Variants in CLN6 observed in about 807,000 individuals in gnomAD.
CLN6 encodes ceroid-lipofuscinosis neuronal protein 6.
In CLN6, 22 loss-of-function variants were observed where a neutral mutation model predicts 33.3. The observed-to-expected ratio is 0.66, with a 90% CI of 0.47 to 0.94. The LOEUF (loss-of-function observed/expected upper bound fraction) is 0.94. CLN6 is among the 40% of genes least tolerant of loss of function. The probability of loss-of-function intolerance (pLI) is 0.00; values close to 1 mark genes in which losing one functional copy is unlikely to be tolerated. For synonymous variants in CLN6, 201 were observed against 174.6 expected, an observed-to-expected ratio of 1.15 and a Z score of -1.19; for missense variants, 387 against 417.1, an observed-to-expected ratio of 0.93 and a Z score of 0.63.
intron 3 of CLN6, 114 bp downstream of exon 3, chr15:68,214,176 C>G (rs746505644): frequency 9.6e-6 from 8 of 831,298 alleles, no homozygotes; most frequent in South Asian, 1.5e-5. Flanking sequence ...GCCTTCACCC[C>G]CCAGCAGCAG....
rs919850756 is a variant in CLN6 at position 68,211,685 on chromosome 15, G to A, written c.476C>T (p.Pro159Leu). ...RENPIIKNLK[P>L]ETLIDSFELL... The stretch of plus-strand genomic sequence containing the variant: ...AGGAGGTGGCCTCACCAGCGTCTCC[G>A]GCTTGAGATTCTTGATGATGGGGTT... Residue 159 changes from proline (P) to leucine (L), a missense_variant, in exon 4 of 7, where the codon CCG becomes CTG. Coordinates refer to ENST00000249806, the MANE Select transcript of CLN6 (RefSeq NM_017882.3). The surrounding 1 kb of genome is among the most constrained non-coding windows in gnomAD (Gnocchi z 5.9). The A allele has an allele frequency of 9.3e-6, 15 of 1,613,640 alleles. No homozygotes were observed. The highest frequency in any genetic ancestry group is 1.3e-5 in the Non-Finnish European group (15 of 1,179,990).
Position 68,209,819 on chromosome 15 carries a change from C to A in CLN6, c.543-60G>T, listed in dbSNP as rs957768517. The A allele has an allele frequency of 2.5e-6, 4 of 1,606,176 alleles. No individual in the cohort carries two copies. In the African/African-American group the frequency reaches 5.4e-5, roughly 21 times the overall value. On this transcript the variant is annotated intron_variant, in intron 5 of 6. Transcript: ENST00000249806. The surrounding 1 kb of genome is among the most constrained non-coding windows in gnomAD (Gnocchi z 4.9). ...TCAGCGGCCCTCTTCCCCACAACCT[C>A]TGCAACCACTCCCATGGGGTCTCAT...
chr15:68,217,493 G>C (rs1241847655), intron 2 of CLN6, among the ~76,000 whole-genome samples: 1 of 152,200 alleles, frequency 6.6e-6, no homozygotes, highest in African/African-American at 2.4e-5. Flanking sequence ...GCTTCCCAAA[G>C]TGCTAGGATT....
At chr15:68,245,757 A>C (rs1480207741) in intron 1 of CLN6, among the ~76,000 whole-genome samples, 1 of 152,112 alleles carries the variant, frequency 6.6e-6, no homozygotes, top group Non-Finnish European at 1.5e-5. Flanking sequence ...ACAAGGCCCA[A>C]CTATATGCTG....
In CLN6 at chr15:68,208,099, C is replaced by CCCCA; in HGVS notation, c.*40_*41insTGGG. 6.7e-7 allele frequency: 1 copy of CCCCA among 1,485,006 alleles called. No homozygotes were observed. Among genetic ancestry groups the CCCCA allele is most frequent in the Non-Finnish European group, 9.2e-7 (1 of 1,084,812 alleles). The allele number at this position is 1,485,006 out of a possible 1,614,324, so 92.0% of individuals were successfully genotyped here. On this transcript the variant is annotated 3_prime_UTR_variant, in exon 7 of 7. Coordinates refer to ENST00000249806, the MANE Select transcript of CLN6 (RefSeq NM_017882.3). The surrounding 1 kb of genome is among the most constrained non-coding windows in gnomAD (Gnocchi z 5.8). ...GTATTCAGATGCCCTCCATGGCCCACCCTCCCACCCAGCAGAGCGCCAGAG... is the reference window on the plus strand; with the variant it reads ...GTATTCAGATGCCCTCCATGGCCCACCCCACCTCCCACCCAGCAGAGCGCCAGAG...
In CLN6 at chr15:68,209,639, G is replaced by A. The variant is rs104894486; in HGVS notation, c.663C>T (p.Tyr221=). The A allele has an allele frequency of 5.0e-6, 8 of 1,612,548 alleles. No individual in the cohort carries two copies. The highest frequency in any genetic ancestry group is 1.9e-4 in the Middle Eastern group (1 of 5,288). ...CCCCCATGCTGATGTCCACTCACCA[G>A]TAGTACAGGCCACTGGGTGCCACCA... The part of the protein sequence containing the change: ...LLLVAPSGLY[Y]WYLVTEGQIF... Residue 221 remains tyrosine (Y), a splice_region_variant and synonymous_variant, in exon 6 of 7, where the codon TAC becomes TAT. Transcript: ENST00000249806. The surrounding 1 kb of genome is among the most constrained non-coding windows in gnomAD (Gnocchi z 4.9).
At chr15:68,216,742 A>T (rs374117627) in intron 2 of CLN6, among the ~76,000 whole-genome samples, 4 of 152,250 alleles carry the variant, frequency 2.6e-5, no homozygotes, top group African/African-American at 7.2e-5. Flanking sequence ...TGGCTATCAT[A>T]AACACCACTG....
upstream of CLN6, chr15:68,229,824 C>A: frequency 3.2e-6 from 1 of 312,644 alleles, no homozygotes; most frequent in Non-Finnish European, 5.7e-6. Context: ...TAGGGGAGGG[C>A]CGGGCGCTGC....
rs55954678 is a variant in CLN6, at chr15:68,229,314, A to G, written c.83+188T>C. Among the ~76,000 whole-genome samples the G allele has an allele frequency of 0.55, 83,243 of 150,796 alleles. 23,350 individuals carry two copies. The highest frequency in any genetic ancestry group is 0.62 in the African/African-American group (25,200 of 40,324). ...CCCCGCTGGGCCCCAGGCTCCCCAG[A>G]CAGAGAAGGAAACGCGGGGGCACCG... On this transcript the variant is annotated intron_variant, in intron 1 of 6. Transcript: ENST00000249806.
At chr15:68,231,361 G>T (rs551668233), upstream of CLN6, among the ~76,000 whole-genome samples, 9 of 152,328 alleles carry the variant, frequency 5.9e-5, no homozygotes, top group African/African-American at 2.2e-4. Flanking sequence ...ACAGGTGATT[G>T]TCTCTGTTTT....
At chr15:68,214,654 T>G (rs963699068) in intron 2 of CLN6, 11 of 437,442 alleles carry the variant, frequency 2.5e-5, no homozygotes, top group Non-Finnish European at 4.3e-5. Flanking sequence ...GGCCTGACCC[T>G]GTGCCCCTCA....
At chr15:68,237,915 G>A (rs960932161) in intron 1 of CLN6, among the ~76,000 whole-genome samples, 4 of 152,056 alleles carry the variant, frequency 2.6e-5, no homozygotes, top group Non-Finnish European at 5.9e-5. Flanking sequence ...ACAAGGTCAG[G>A]AGTTCGAGAC....
At chr15:68,232,157 G>GAT (rs1247900655), upstream of CLN6, among the ~76,000 whole-genome samples, 1,150 of 74,488 alleles carry the variant, frequency 0.015, 55 homozygotes, top group Admixed American at 0.18. The surrounding 1 kb of genome is among the most constrained non-coding windows in gnomAD (Gnocchi z 4.7). Flanking sequence ...AGCTGTATCC[G>GAT]ATATTTTTTT....
rs1424958982 is a variant in CLN6 at position 68,210,357 on chromosome 15, TC to T, written c.543-599del. Among the ~76,000 whole-genome samples the T allele has an allele frequency of 6.6e-6, 1 of 152,102 alleles. No homozygotes were observed. Among genetic ancestry groups the T allele is most frequent in the Non-Finnish European group, 1.5e-5 (1 of 68,010 alleles). ...TCCTGCTGGGGCTCCAGCTCTCTGT[TC>T]CTAGCCCCTCCACCCTTCCCCAACC... On this transcript the variant is annotated intron_variant, in intron 5 of 6. Transcript: ENST00000249806. This position sits in a 1 kb window ranked among gnomAD's most constrained non-coding sequence, Gnocchi z 5.6.
chr15:68,220,666 C>T lies in CLN6; in HGVS notation c.84-2016G>A, dbSNP rs1482799825. Among the ~76,000 whole-genome samples the T allele has an allele frequency of 6.6e-6, 1 of 152,220 alleles. No individual in the cohort carries two copies. On this transcript the variant is annotated intron_variant, in intron 1 of 6. Coordinates refer to ENST00000249806, the MANE Select transcript of CLN6 (RefSeq NM_017882.3). The surrounding 1 kb of genome is among the most constrained non-coding windows in gnomAD (Gnocchi z 4.2). ...AAAGTGCTGACAGTGTTCATGTTGC[C>T]AGTTCATGATCTGGCCATATGAGCC...
At chr15:68,225,943 C>T (rs1301396424) in intron 1 of CLN6, among the ~76,000 whole-genome samples, 2 of 151,622 alleles carry the variant, frequency 1.3e-5, no homozygotes, top group Non-Finnish European at 2.9e-5. Context: ...GCACTCTAGC[C>T]TAGGGGACAA....
chr15:68,216,738 T>C (rs2093221434), intron 2 of CLN6, among the ~76,000 whole-genome samples: 2 of 152,248 alleles, frequency 1.3e-5, no homozygotes, highest in African/African-American at 4.8e-5. Flanking sequence ...GGTTTGGCTA[T>C]CATAAACACC....
chr15:68,234,774 T>C lies in CLN6; in HGVS notation c.180-16124A>G, dbSNP rs1038887656. 1.3e-5 allele frequency among the ~76,000 whole-genome samples: 2 copies of C among 152,232 alleles called. No homozygotes were observed. Among genetic ancestry groups the C allele is most frequent in the Non-Finnish European group, 2.9e-5 (2 of 68,036 alleles). On this transcript the variant is annotated intron_variant, in intron 1 of 6. Transcript: ENST00000538696. This position sits in a 1 kb window ranked among gnomAD's most constrained non-coding sequence, Gnocchi z 4.1. ...GCTCACGCATGTAATCCCAGCACTT[T>C]GGGAGGCCAAGGTGAGCAGATCATT...
intron 2 of CLN6, chr15:68,215,185 T>C (rs1203582033): frequency 6.6e-6 from 1 of 152,242 alleles, no homozygotes; most frequent in Non-Finnish European, 1.5e-5. Context: ...AGGATTTAGA[T>C]GGTTCTCTCT....
Sources: gnomAD v4.1 joint callset for allele counts (sites outside exome capture counted in the v4.1 genomes callset) on GRCh38, gnomAD v4.1.1 for gene constraint, Gnocchi (gnomAD v3.1) non-coding constraint, MANE v1.5 for transcripts, NCBI Gene and HGNC (gene_info 2026-07-23, HGNC 2026-07-21) for gene names.